Variants in NICN1 observed in about 807,000 individuals in gnomAD.
NICN1 encodes the protein nicolin 1, tubulin polyglutamylase complex subunit, also known as nicolin-1.
In NICN1, 18 loss-of-function variants were observed where a neutral mutation model predicts 26.3. The observed-to-expected ratio is 0.68, with a 90% CI of 0.47 to 1.01. The LOEUF (loss-of-function observed/expected upper bound fraction) is 1.01. Among genes scored for constraint, NICN1 ranks in the 50% least tolerant of loss-of-function variants. NICN1 has a pLI of 0.00. For missense variants in NICN1, 239 were observed against 278.3 expected (o/e 0.86, Z 1.00); for synonymous variants, 109 against 111.0 (o/e 0.98, Z 0.11).
chr3:49,426,123 G>T, intron 2 of NICN1, 127 bp from the exon 3 acceptor site: 1 of 1,143,518 alleles, frequency 8.7e-7, no homozygotes, highest in Non-Finnish European at 1.3e-6. Flanking sequence ...GTCCCTCCAA[G>T]GCACTTCCCT....
intron 1 of NICN1, among the ~76,000 whole-genome samples, 160 bp downstream of exon 1, chr3:49,428,948 G>A (rs1397739493): frequency 6.6e-6 from 1 of 152,202 alleles, no homozygotes; most frequent in Non-Finnish European, 1.5e-5. Context: ...TAGGAAAAAT[G>A]TGTTAACTGA....
At position 49,429,267 on chromosome 3, in the gene NICN1, C is replaced by G; in HGVS notation, c.-28G>C. 1 of 1,574,600 alleles carries G rather than the reference C, an allele frequency of 6.4e-7. No individual in the cohort carries two copies. Among genetic ancestry groups the G allele is most frequent in the Non-Finnish European group, 8.6e-7 (1 of 1,157,832 alleles). ...TGACAGCAGCCGCAACTAAGTGCAA[C>G]CGCCGCTCTAGGCCCCCGACCACCA... On this transcript the variant is annotated 5_prime_UTR_variant, in exon 1 of 6. Coordinates refer to ENST00000273598, the MANE Select transcript of NICN1 (RefSeq NM_032316.3).
intron 2 of NICN1, 29 bp downstream of exon 2, chr3:49,426,223 T>G: frequency 6.2e-7 from 1 of 1,609,928 alleles, no homozygotes. Context: ...TCATCTGGGC[T>G]GCCCTGGCCA....
intron 4 of NICN1, 74 bp from the exon 5 acceptor site, chr3:49,425,127 C>G: frequency 1.6e-6 from 2 of 1,284,656 alleles, no homozygotes; most frequent in Non-Finnish European, 2.2e-6. Context: ...AGAGGCCAAC[C>G]TGGGCTAGGG....
chr3:49,428,645 C>T (rs930671514), intron 1 of NICN1, among the ~76,000 whole-genome samples: 8 of 150,162 alleles, frequency 5.3e-5, no homozygotes, highest in East Asian at 4.0e-4. Flanking sequence ...CGCTTGAACC[C>T]GGGAGGCAGA....
Position 49,422,604 on chromosome 3 carries a change from G to C in NICN1, c.*2229C>G. 3.6e-6 allele frequency: 3 copies of C among 841,374 alleles called. No homozygotes were observed. The highest frequency in any genetic ancestry group is 5.9e-6 in the Non-Finnish European group (3 of 507,744). 52.1% of individuals were successfully genotyped at this position (841,374 alleles called of 1,614,324 possible). On this transcript the variant is annotated 3_prime_UTR_variant, in exon 6 of 6. Coordinates refer to ENST00000273598, the MANE Select transcript of NICN1 (RefSeq NM_032316.3). ...AGCCCCAAGGGCAGGCTGGGATTTA[G>C]AGCAGAGAATGCAGGAACCCGCAAC...
chr3:49,422,363 G>T lies in NICN1; in HGVS notation c.*2470C>A. 1 of 1,610,746 alleles carries T rather than the reference G, an allele frequency of 6.2e-7. No homozygotes were observed. The highest frequency in any genetic ancestry group is 1.1e-5 in the South Asian group (1 of 91,006). Reference sequence around the variant, plus strand: ...AAGATCAGCACCCTCTATCCCACCTGTGCGCAACTAAGTGGACGACACAAG... The same window carrying T: ...AAGATCAGCACCCTCTATCCCACCTTTGCGCAACTAAGTGGACGACACAAG... On this transcript the variant is annotated 3_prime_UTR_variant, in exon 6 of 6. Transcript: ENST00000273598.
intron 1 of NICN1, 96 bp from the exon 2 acceptor site, chr3:49,426,524 CTTTTCT>C (rs2049171586): frequency 9.1e-6 from 8 of 876,000 alleles, no homozygotes; most frequent in South Asian, 1.7e-5. Flanking sequence ...TTCTCCCCAC[CTTTTCT>C]TTTTTTTTTT....
In NICN1 at chr3:49,423,639, C is replaced by CCT. The variant is rs1559531603; in HGVS notation, c.*1193_*1194insAG. 6.6e-6 allele frequency: 1 copy of CCT among 152,072 alleles called. No homozygotes were observed. The highest frequency in any genetic ancestry group is 1.5e-5 in the Non-Finnish European group (1 of 68,058). 9.4% of individuals were successfully genotyped at this position (152,072 alleles called of 1,614,324 possible). A position where few individuals can be genotyped will look rare whatever the true frequency, so the allele number is the denominator to read the frequency against. On this transcript the variant is annotated 3_prime_UTR_variant, in exon 6 of 6. Coordinates refer to ENST00000273598, the MANE Select transcript of NICN1 (RefSeq NM_032316.3). Reference sequence around the variant, plus strand: ...GGCATGGTGATGCATGACTGTAATCCCAGCTACTCGGGAGACTGAGGCAGG... The same window carrying CCT: ...GGCATGGTGATGCATGACTGTAATCCCTCAGCTACTCGGGAGACTGAGGCAGG...
chr3:49,427,322 CA>C (rs1336376899), intron 1 of NICN1, among the ~76,000 whole-genome samples: 1,682 of 108,684 alleles, frequency 0.015, 21 homozygotes, highest in South Asian at 0.05. Context: ...GACACGGTCT[CA>C]AAAAAAAAAA....
In NICN1 at chr3:49,426,405, A is replaced by G. The variant is rs771269972; in HGVS notation, c.156T>C (p.Asn52=). ...PFELQEITFK[N]YYTAFLSIRV... ...GGATGCTCAAAAAAGCTGTGTAGTA[A>G]TTCTTAAACGTGATTTCCTGCAACT... The change falls in exon 2 of 6, where the codon AAT becomes AAC. Residue 52 remains asparagine (N), a synonymous_variant. Coordinates refer to ENST00000273598, the MANE Select transcript of NICN1 (RefSeq NM_032316.3). 3.7e-6 allele frequency: 6 copies of G among 1,614,144 alleles called. No homozygotes were observed. The South Asian group carries it at 4.4e-5, about 12-fold the overall frequency.
At chr3:49,425,472 C>T (rs2049162720) in intron 3 of NICN1, 34 bp from the exon 4 acceptor site, 4 of 1,554,484 alleles carry the variant, frequency 2.6e-6, no homozygotes, top group Admixed American at 1.9e-5. Context: ...CTGAGTGAGA[C>T]AAAGTGGACA....
chr3:49,426,119 C>T, intron 2 of NICN1, 123 bp from the exon 3 acceptor site: 1 of 1,131,148 alleles, frequency 8.8e-7, no homozygotes, highest in Non-Finnish European at 1.3e-6. Flanking sequence ...AGTAGTCCCT[C>T]CAAGGCACTT....
Position 49,429,153 on chromosome 3 carries a change from G to T in NICN1, c.87C>A (p.Gly29=). The T allele has an allele frequency of 6.2e-7, 1 of 1,610,978 alleles. No homozygotes were observed. Among genetic ancestry groups the T allele is most frequent in the Non-Finnish European group, 8.5e-7 (1 of 1,178,726 alleles). ...GDVRTSQGRP[G]VLVIDVTFPS... is the part of the protein sequence containing the mutation. ...GGAAGGTGACATCGATGACCAGCAC[G>T]CCAGGCCGGCCTTGGGAGGTCCGCA... is the stretch of plus-strand genomic sequence containing the variant. The change falls in exon 1 of 6, where the codon GGC becomes GGA. Residue 29 remains glycine, a synonymous_variant. Transcript: ENST00000273598.
In NICN1 at chr3:49,424,972, A is replaced by C. The variant is rs1385898773; in HGVS notation, c.577T>G (p.Ser193Ala). 1.2e-6 allele frequency: 2 copies of C among 1,614,096 alleles called. No individual in the cohort carries two copies. Among genetic ancestry groups the C allele is most frequent in the Non-Finnish European group, 1.7e-6 (2 of 1,180,012 alleles). ...ACATCAAAGCGGCCGATCCTTGCGG[A>C]GGTGTGACTGGCCCGGATCATCTCT... The part of the protein sequence containing the change: ...LTEMIRASHT[S>A]ARIGRFDVDG... The change falls in exon 5 of 6, where the codon TCC becomes GCC. Residue 193 changes from serine to alanine, a missense_variant. Physicochemically the swap from Ser to Ala is moderately conservative, Grantham distance 99. Coordinates refer to ENST00000273598, the MANE Select transcript of NICN1 (RefSeq NM_032316.3).
chr3:49,425,971 G>C lies in NICN1; in HGVS notation c.335C>G (p.Ser112Trp), dbSNP rs770325517. Residue 112 changes from serine to tryptophan, a missense_variant, in exon 3 of 6, where the codon TCG becomes TGG. Ser to Trp is a radical substitution (Grantham distance 177). Coordinates refer to ENST00000273598, the MANE Select transcript of NICN1 (RefSeq NM_032316.3). ...CTGCCGCAGAATCAGGCGTAGCTCC[G>C]ATATTCTAGCCATGTCACACAGCAT... is the stretch of plus-strand genomic sequence containing the variant. ...HQMLCDMARI[S>W]ELRLILRQPS... 6.2e-7 allele frequency: 1 copy of C among 1,610,550 alleles called. No homozygotes were observed. Among genetic ancestry groups the C allele is most frequent in the East Asian group, 2.2e-5 (1 of 44,796 alleles).
intron 1 of NICN1, among the ~76,000 whole-genome samples, chr3:49,428,669 C>T (rs536940031): frequency 2.0e-5 from 3 of 148,078 alleles, no homozygotes; most frequent in South Asian, 2.1e-4. Flanking sequence ...TGCGGTGAGC[C>T]GAGATCGTGC....
Position 49,425,944 on chromosome 3 carries a change from G to A in NICN1, c.362C>T (p.Pro121Leu). Residue 121 changes from proline to leucine, a missense_variant, in exon 3 of 6, where the codon CCA becomes CTA. Coordinates refer to ENST00000273598, the MANE Select transcript of NICN1 (RefSeq NM_032316.3). ...ISELRLILRQ[P>L]SPLWLSFTVE... The stretch of plus-strand genomic sequence containing the variant: ...TGTGAAAGACAGCCACAGTGGTGAT[G>A]GCTGCCGCAGAATCAGGCGTAGCTC... 1.9e-6 allele frequency: 3 copies of A among 1,612,460 alleles called. No homozygotes were observed. The highest frequency in any genetic ancestry group is 2.5e-6 in the Non-Finnish European group (3 of 1,178,700).
Position 49,429,256 on chromosome 3 carries a change from A to G in NICN1, c.-17T>C, listed in dbSNP as rs780446039. 1 of 1,582,040 alleles carries G rather than the reference A, an allele frequency of 6.3e-7. No homozygotes were observed. Among genetic ancestry groups the G allele is most frequent in the Admixed American group, 1.7e-5 (1 of 57,288 alleles). On this transcript the variant is annotated 5_prime_UTR_variant, in exon 1 of 6. Transcript: ENST00000273598. The stretch of plus-strand genomic sequence containing the variant: ...GCGGGACATGGTGACAGCAGCCGCA[A>G]CTAAGTGCAACCGCCGCTCTAGGCC...
Sources: allele counts gnomAD v4.1 joint callset (sites outside exome capture counted in the v4.1 genomes callset), GRCh38; gene constraint gnomAD v4.1.1; transcripts MANE v1.5; gene names NCBI Gene and HGNC (gene_info 2026-07-23, HGNC 2026-07-21).